Variants in KIDINS220 observed in about 807,000 individuals in gnomAD.
KIDINS220 encodes kinase D-interacting substrate of 220 kDa.
A neutral mutation model predicts 157.6 loss-of-function variants in KIDINS220; 63 were observed. That is an observed-to-expected ratio of 0.40 (90% confidence interval 0.33 to 0.49). The LOEUF is 0.49. Among genes scored for constraint, KIDINS220 ranks in the 20% least tolerant of loss-of-function variants. KIDINS220 has a pLI of 0.66. For missense variants in KIDINS220, 1,772 were observed against 2,171.2 expected, an observed-to-expected ratio of 0.82 and a Z score of 3.65; for synonymous variants, 732 against 783.6, an observed-to-expected ratio of 0.93 and a Z score of 1.10.
chr2:8,810,362 T>C (rs1168773860), intron 6 of KIDINS220, among the ~76,000 whole-genome samples: 2 of 152,236 alleles, frequency 1.3e-5, no homozygotes, highest in Non-Finnish European at 2.9e-5. Flanking sequence ...AAACATTTTC[T>C]CAAAATGCTA....
intron 17 of KIDINS220, 55 bp from the exon 18 acceptor site, chr2:8,779,869 A>T: frequency 6.4e-7 from 1 of 1,572,308 alleles, no homozygotes; most frequent in Non-Finnish European, 8.7e-7. Flanking sequence ...AGAAGCTTAA[A>T]CATATTTCTT....
intron 26 of KIDINS220, among the ~76,000 whole-genome samples, chr2:8,742,983 C>T (rs1426566332): frequency 6.6e-6 from 1 of 152,130 alleles, no homozygotes; most frequent in Non-Finnish European, 1.5e-5. Flanking sequence ...TACAGAGCTT[C>T]GAGAGCAACT....
intron 11 of KIDINS220, 107 bp downstream of exon 11, chr2:8,796,664 T>C (rs966933387): frequency 5.8e-6 from 5 of 855,932 alleles, no homozygotes; most frequent in Non-Finnish European, 1.0e-5. Flanking sequence ...CAGCAAGTCA[T>C]CTCTCCCCAC....
chr2:8,759,194 T>C (rs1490752121), intron 22 of KIDINS220, among the ~76,000 whole-genome samples: 1 of 152,190 alleles, frequency 6.6e-6, no homozygotes, highest in African/African-American at 2.4e-5. Flanking sequence ...TTTGTCTATT[T>C]CTGGTTTAAA....
intron 13 of KIDINS220, among the ~76,000 whole-genome samples, chr2:8,790,261 G>GT (rs1199753377): frequency 6.6e-6 from 1 of 152,006 alleles, no homozygotes; most frequent in Non-Finnish European, 1.5e-5. Flanking sequence ...CCACAGCTAG[G>GT]CCTGACTCGC....
At chr2:8,830,382 A>G (rs1179386176) in intron 1 of KIDINS220, among the ~76,000 whole-genome samples, 1 of 152,174 alleles carries the variant, frequency 6.6e-6, no homozygotes, top group Non-Finnish European at 1.5e-5. Flanking sequence ...ACACAAAGGG[A>G]AATATGGCTT....
chr2:8,786,137 T>C, intron 16 of KIDINS220, 69 bp downstream of exon 16: 1 of 1,592,806 alleles, frequency 6.3e-7, no homozygotes, highest in African/African-American at 1.3e-5. Context: ...TGTGTTTTCA[T>C]GAAAATAAAC....
At chr2:8,740,171 C>T (rs1303710694) in intron 26 of KIDINS220, 1 of 984,084 alleles carries the variant, frequency 1.0e-6, no homozygotes, top group East Asian at 1.1e-4. Flanking sequence ...TTTGTTAAAC[C>T]CAGAGTCACA....
intron 21 of KIDINS220, among the ~76,000 whole-genome samples, chr2:8,773,759 G>A (rs12692373): frequency 0.96 from 146,636 of 152,210 alleles, 70,893 homozygotes; most frequent in East Asian, 1. Flanking sequence ...GGGGTGAGCC[G>A]GTGCGCCCAG....
At chr2:8,745,316 C>G (rs1297747476) in intron 26 of KIDINS220, among the ~76,000 whole-genome samples, 1 of 152,156 alleles carries the variant, frequency 6.6e-6, no homozygotes, top group Non-Finnish European at 1.5e-5. Context: ...GATGATGACC[C>G]ATGGATTAAA....
chr2:8,779,611 G>A, intron 18 of KIDINS220, 63 bp downstream of exon 18: 8 of 1,527,408 alleles, frequency 5.2e-6, no homozygotes, highest in Non-Finnish European at 7.1e-6. Context: ...TATTTGTGAA[G>A]TCAAACATTC....
At chr2:8,742,266 A>ATT (rs112007699) in intron 26 of KIDINS220, among the ~76,000 whole-genome samples, 352 of 142,514 alleles carry the variant, frequency 2.5e-3, no homozygotes, top group Non-Finnish European at 3.9e-3. Context: ...TGCCTGGCTA[A>ATT]TTTTTTTTTT....
At chr2:8,764,701 G>C (rs143049496) in intron 22 of KIDINS220, among the ~76,000 whole-genome samples, 113 of 152,288 alleles carry the variant, frequency 7.4e-4, no homozygotes, top group African/African-American at 2.6e-3. Context: ...TATCTGGATG[G>C]ACGGTATTCT....
Position 8,731,545 on chromosome 2 carries a change from G to C in KIDINS220, c.4491C>G (p.Ser1497=), listed in dbSNP as rs572423915. The change falls in exon 30 of 30, where the codon TCC becomes TCG. Residue 1497 remains serine (S), a synonymous_variant. Transcript: ENST00000256707. This position sits in a 1 kb window ranked among gnomAD's most constrained non-coding sequence, Gnocchi z 5.2. ...CTGTCTGGAAGAGGCTTGACCTTTC[G>C]GAAGATTTCTTGCCTGGGAGAAGCT... ...GSKLLPGKKS[S]ERSSLFQTDL... is the part of the protein sequence containing the mutation. The C allele has an allele frequency of 1.2e-5, 19 of 1,614,070 alleles. No individual in the cohort carries two copies. The highest frequency in any genetic ancestry group is 8.9e-5 in the East Asian group (4 of 44,880).
rs188555797 is a variant in KIDINS220 at position 8,757,452 on chromosome 2, T to C, written c.3012-5808A>G. 5,055 of 1,328,778 alleles carry C rather than the reference T, an allele frequency of 3.8e-3. 15 individuals carry two copies. Among genetic ancestry groups the C allele is most frequent in the Non-Finnish European group, 4.6e-3 (4,740 of 1,035,612 alleles). 82.3% of individuals were successfully genotyped at this position (1,328,778 alleles called of 1,614,324 possible). ...CTTTAGTCATGAGAAGCACACTTGA[T>C]TGTTTCCAAAGGGATATGTGAGGCC... On this transcript the variant is annotated intron_variant, in intron 22 of 29. Transcript: ENST00000256707.
chr2:8,723,434 A>T (rs1663085234), downstream of KIDINS220: 1 of 152,276 alleles, frequency 6.6e-6, no homozygotes, highest in Non-Finnish European at 1.5e-5. Context: ...ACAAGAAATA[A>T]ACGTCAAATG....
chr2:8,832,347 T>C (rs1679764327), intron 1 of KIDINS220, among the ~76,000 whole-genome samples: 1 of 152,220 alleles, frequency 6.6e-6, no homozygotes, highest in African/African-American at 2.4e-5. Flanking sequence ...AAGATGTTTG[T>C]AAGCACATAT....
chr2:8,795,876 C>T (rs1335339912), intron 11 of KIDINS220, among the ~76,000 whole-genome samples: 1 of 152,164 alleles, frequency 6.6e-6, no homozygotes, highest in Non-Finnish European at 1.5e-5. Context: ...AAGAAGTTTT[C>T]TAGAAAGCTA....
chr2:8,762,772 AC>A (rs1186463120), intron 22 of KIDINS220, among the ~76,000 whole-genome samples: 17 of 151,918 alleles, frequency 1.1e-4, no homozygotes, highest in African/African-American at 4.1e-4. Context: ...AGAAAAGAAA[AC>A]CTATTGAAAA....
Sources: gnomAD v4.1 joint callset for allele counts (sites outside exome capture counted in the v4.1 genomes callset) on GRCh38, gnomAD v4.1.1 for gene constraint, Gnocchi (gnomAD v3.1) non-coding constraint, MANE v1.5 for transcripts, NCBI Gene and HGNC (gene_info 2026-07-23, HGNC 2026-07-21) for gene names.